PTPN9: variants seen among roughly 807,000 people sequenced by gnomAD.
PTPN9 encodes the protein protein tyrosine phosphatase non-receptor type 9.
In PTPN9, 26 loss-of-function variants were observed where a neutral mutation model predicts 69.8. That is an observed-to-expected ratio of 0.37 (90% CI 0.27 to 0.52). The LOEUF is 0.52. PTPN9 is among the 20% of genes least tolerant of loss of function. The pLI is 0.91. For synonymous variants in PTPN9, 274 were observed against 272.5 expected (o/e 1.01, Z -0.05); for missense variants, 549 against 740.3 (o/e 0.74, Z 3.00).
At chr15:75,557,114 C>T (rs149143206) in intron 1 of PTPN9, among the ~76,000 whole-genome samples, 359 of 152,196 alleles carry the variant, frequency 2.4e-3, no homozygotes, top group African/African-American at 8.2e-3. Context: ...TGGGTTGTTC[C>T]ACCTTTGGCT....
intron 7 of PTPN9, among the ~76,000 whole-genome samples, chr15:75,504,044 C>T (rs2074795808): frequency 1.6e-5 from 2 of 127,988 alleles, no homozygotes; most frequent in South Asian, 2.6e-4. Context: ...GCTCAGCCCC[C>T]CGCCCGGCCA....
chr15:75,464,820 C>T lies in PTPN9; in HGVS notation c.*3949G>A, dbSNP rs1469702292. On this transcript the variant is annotated 3_prime_UTR_variant, in exon 13 of 13. Coordinates refer to ENST00000618819, the MANE Select transcript of PTPN9 (RefSeq NM_002833.4). ...TCCATTCTCCCAAGAACAAGTCCTA[C>T]TCTGTCATTTACCTGCATACTGTCA... The T allele has an allele frequency of 2.0e-5, 3 of 152,188 alleles. No homozygotes were observed. Among genetic ancestry groups the T allele is most frequent in the Non-Finnish European group, 4.4e-5 (3 of 68,036 alleles). 9.4% of individuals were successfully genotyped at this position (152,188 alleles called of 1,614,324 possible). A position where few individuals can be genotyped will look rare whatever the true frequency, so the allele number is the denominator to read the frequency against.
intron 1 of PTPN9, among the ~76,000 whole-genome samples, chr15:75,548,000 G>C (rs1259583220): frequency 6.6e-6 from 1 of 151,954 alleles, no homozygotes; most frequent in Non-Finnish European, 1.5e-5. Flanking sequence ...ACAAGTCAGA[G>C]ACTAAGATTT....
At chr15:75,568,507 C>CAAAAA (rs1206871976) in intron 1 of PTPN9, among the ~76,000 whole-genome samples, 2 of 56,250 alleles carry the variant, frequency 3.6e-5, no homozygotes, top group East Asian at 5.3e-4. Flanking sequence ...GACCTTGTCT[C>CAAAAA]AAAAAAAAAA....
At chr15:75,525,528 A>G (rs1000704609) in intron 2 of PTPN9, among the ~76,000 whole-genome samples, 15 of 151,664 alleles carry the variant, frequency 9.9e-5, no homozygotes, top group Non-Finnish European at 2.2e-4. Context: ...AAGGTTGACC[A>G]CCTACACTTC....
At chr15:75,505,097 A>C (rs892242320) in intron 7 of PTPN9, among the ~76,000 whole-genome samples, 1 of 152,126 alleles carries the variant, frequency 6.6e-6, no homozygotes, top group Admixed American at 6.6e-5. Flanking sequence ...GAGACTTTTC[A>C]TTTTGTTCTG....
At chr15:75,480,552 T>G (rs1382394053) in intron 8 of PTPN9, 20 of 547,918 alleles carry the variant, frequency 3.7e-5, no homozygotes, top group Non-Finnish European at 4.6e-5. Flanking sequence ...AGGGAGCCCG[T>G]CCGGCCATGG....
At chr15:75,493,623 G>A (rs1213802201) in intron 7 of PTPN9, among the ~76,000 whole-genome samples, 2 of 151,998 alleles carry the variant, frequency 1.3e-5, no homozygotes, top group African/African-American at 4.8e-5. Flanking sequence ...AGCAGGGCAT[G>A]GTGGCACACG....
rs543343042 is a variant in PTPN9 at position 75,468,632 on chromosome 15, C to T, written c.*137G>A. 35 of 721,738 alleles carry T rather than the reference C, an allele frequency of 4.8e-5. No homozygotes were observed. The highest frequency in any genetic ancestry group is 4.4e-4 in the Admixed American group (17 of 38,974). 44.7% of individuals were successfully genotyped at this position (721,738 alleles called of 1,614,324 possible). On this transcript the variant is annotated 3_prime_UTR_variant, in exon 13 of 13. Coordinates refer to ENST00000618819, the MANE Select transcript of PTPN9 (RefSeq NM_002833.4). ...CTAGCCAAAGGGAAAGGCTGCCTTG[C>T]GTGCACACGTGTGCTGGGAGACACA...
In PTPN9 at chr15:75,470,672, G is replaced by A. The variant is rs1312926758; in HGVS notation, c.1359+8C>T. 6.2e-7 allele frequency: 1 copy of A among 1,612,370 alleles called. No homozygotes were observed. Among genetic ancestry groups the A allele is most frequent in the Non-Finnish European group, 8.5e-7 (1 of 1,179,132 alleles). On this transcript the variant is annotated splice_region_variant and intron_variant, in intron 11 of 12. Transcript: ENST00000618819. ...CAACAAGGTGAGAAAAAAGAAACCTGGATTTACCTCTGTGTTGTGAATTTC... is the reference window on the plus strand; with the variant it reads ...CAACAAGGTGAGAAAAAAGAAACCTAGATTTACCTCTGTGTTGTGAATTTC...
chr15:75,508,711 C>T (rs1279733757), intron 6 of PTPN9, among the ~76,000 whole-genome samples: 1 of 152,164 alleles, frequency 6.6e-6, no homozygotes, highest in East Asian at 1.9e-4. Flanking sequence ...TAGTTTTGAA[C>T]TTCAAGAAGC....
chr15:75,534,263 C>T (rs2074974047), intron 1 of PTPN9, among the ~76,000 whole-genome samples: 1 of 152,184 alleles, frequency 6.6e-6, no homozygotes, highest in Non-Finnish European at 1.5e-5. Flanking sequence ...CACACTAAAA[C>T]TTCTTTCAAC....
rs1261677415 is a variant in PTPN9 at position 75,575,216 on chromosome 15, G to A, written c.63+3498C>T. The stretch of plus-strand genomic sequence containing the variant: ...TCTCGATCTCCTGACCTCATGATCC[G>A]CCCGCCTCTGCCTCCCAAAGTGCTG... On this transcript the variant is annotated intron_variant, in intron 1 of 12. Coordinates refer to ENST00000618819, the MANE Select transcript of PTPN9 (RefSeq NM_002833.4). Among the ~76,000 whole-genome samples the A allele has an allele frequency of 5.9e-4, 34 of 57,270 alleles. 8 individuals carry two copies. Among genetic ancestry groups the A allele is most frequent in the Non-Finnish European group, 1.0e-3 (31 of 30,892 alleles). The allele number at this position is 57,270 out of a possible 152,430, so 37.6% of individuals were successfully genotyped here.
chr15:75,516,303 CTTTTT>C (rs750940118), intron 5 of PTPN9, among the ~76,000 whole-genome samples: 2 of 132,566 alleles, frequency 1.5e-5, no homozygotes, highest in Non-Finnish European at 3.2e-5. Context: ...TATGTTTCTT[CTTTTT>C]TTTTTTTTTT....
chr15:75,549,951 G>C (rs948770244), intron 1 of PTPN9, among the ~76,000 whole-genome samples: 3 of 151,884 alleles, frequency 2.0e-5, no homozygotes, highest in Non-Finnish European at 4.4e-5. Flanking sequence ...TCTTGCCTGA[G>C]TGACCGAGTA....
chr15:75,494,478 G>A (rs1433889663), intron 7 of PTPN9, among the ~76,000 whole-genome samples: 6 of 151,638 alleles, frequency 4.0e-5, no homozygotes, highest in African/African-American at 1.2e-4. Context: ...TCAGCCTCCC[G>A]AGTAGCTGGG....
intron 7 of PTPN9, 117 bp downstream of exon 7, chr15:75,505,558 G>A (rs1296861395): frequency 2.6e-5 from 18 of 680,286 alleles, no homozygotes; most frequent in Non-Finnish European, 4.3e-5. Flanking sequence ...TGAGAGTGAT[G>A]TTCCCTAACA....
rs78269819 is a variant in PTPN9, at chr15:75,486,501, C to T, written c.1062+3707G>A. Among the ~76,000 whole-genome samples, 379 of 152,284 alleles carry T rather than the reference C, an allele frequency of 2.5e-3. 2 individuals are homozygous for T. Among genetic ancestry groups the T allele is most frequent in the African/African-American group, 8.6e-3 (359 of 41,566 alleles). Reference sequence around the variant, plus strand: ...CTGCCAGCACGTTGATCTTGGACTTCCCAGACTCCACAATAGTGAGAAATA... The same window carrying T: ...CTGCCAGCACGTTGATCTTGGACTTTCCAGACTCCACAATAGTGAGAAATA... On this transcript the variant is annotated intron_variant, in intron 8 of 12. Transcript: ENST00000618819.
chr15:75,466,835 G>C lies in PTPN9; in HGVS notation c.*1934C>G, dbSNP rs1379737892. On this transcript the variant is annotated 3_prime_UTR_variant, in exon 13 of 13. Transcript: ENST00000618819. ...AATGAGAAAGGGGTGCACAGGAGAA[G>C]GGAGAGAAGATAATATCTCACTGAA... is the stretch of plus-strand genomic sequence containing the variant. The C allele has an allele frequency of 6.6e-6, 1 of 152,218 alleles. No homozygotes were observed. Among genetic ancestry groups the C allele is most frequent in the African/African-American group, 2.4e-5 (1 of 41,440 alleles). The allele number at this position is 152,218 out of a possible 1,614,324, so 9.4% of individuals were successfully genotyped here.
Sources: allele counts gnomAD v4.1 joint callset (sites outside exome capture counted in the v4.1 genomes callset), GRCh38; gene constraint gnomAD v4.1.1; transcripts MANE v1.5; gene names NCBI Gene and HGNC (gene_info 2026-07-23, HGNC 2026-07-21).